The following GNPAT variants were observed in gnomAD, a reference collection of about 807,000 sequenced individuals.
GNPAT encodes the protein glyceronephosphate O-acyltransferase, also known as dihydroxyacetone phosphate acyltransferase.
A neutral mutation model predicts 78.4 loss-of-function variants in GNPAT; 30 were observed. That is an observed-to-expected ratio of 0.38 (90% CI 0.29 to 0.52). The LOEUF (loss-of-function observed/expected upper bound fraction) is 0.52, where lower values mean the gene tolerates loss of function less well. Among genes scored for constraint, GNPAT ranks in the 20% least tolerant of loss-of-function variants. The probability of loss-of-function intolerance (pLI) is 0.84; values close to 1 mark genes in which losing one functional copy is unlikely to be tolerated. For missense variants in GNPAT, 714 were observed against 812.2 expected (o/e 0.88, Z 1.47); for synonymous variants, 271 against 281.1 (o/e 0.96, Z 0.36).
Position 231,241,359 on chromosome 1 carries a change from C to T in GNPAT, c.-20C>T, listed in dbSNP as rs1272838384. 6.2e-7 allele frequency: 1 copy of T among 1,601,834 alleles called. No individual in the cohort carries two copies. The highest frequency in any genetic ancestry group is 8.6e-7 in the Non-Finnish European group (1 of 1,168,738). ...GCTTAGCAAAGAATCCCAGACCCCG[C>T]CCGGGAAGGCAGCCGCACCATGGAG... On this transcript the variant is annotated 5_prime_UTR_variant, in exon 1 of 16. Transcript: ENST00000366647.
Position 231,241,272 on chromosome 1 carries a change from G to A in GNPAT, c.-107G>A, listed in dbSNP as rs1478000157. 7 of 1,418,052 alleles carry A rather than the reference G, an allele frequency of 4.9e-6. No homozygotes were observed. Among genetic ancestry groups the A allele is most frequent in the African/African-American group, 4.2e-5 (3 of 70,790 alleles). The allele number at this position is 1,418,052 out of a possible 1,614,324, so 87.8% of individuals were successfully genotyped here. On this transcript the variant is annotated 5_prime_UTR_variant, in exon 1 of 16. Transcript: ENST00000366647. The stretch of plus-strand genomic sequence containing the variant: ...TGTAGCGGCTGCAGAGGGTGCCGCC[G>A]CCCTAGGCGAAGTAGGGCCGTCCTG...
chr1:231,252,546 T>TC (rs769009642), intron 2 of GNPAT, among the ~76,000 whole-genome samples: 108 of 152,268 alleles, frequency 7.1e-4, no homozygotes, highest in Non-Finnish European at 1.1e-3. Context: ...TGGGGCTTGG[T>TC]CCCGCCCAGA....
chr1:231,270,643 C>T, intron 9 of GNPAT, 115 bp from the exon 10 acceptor site: 1 of 1,007,104 alleles, frequency 9.9e-7, no homozygotes, highest in Non-Finnish European at 1.6e-6. Context: ...GACAGTAAAA[C>T]CTGTCACTTG....
chr1:231,270,439 A>G (rs1685529613), intron 9 of GNPAT, among the ~76,000 whole-genome samples: 1 of 152,180 alleles, frequency 6.6e-6, no homozygotes, highest in African/African-American at 2.4e-5. Flanking sequence ...AAAACTTTAG[A>G]TTCCCTTGGT....
At chr1:231,274,162 C>T in intron 12 of GNPAT, 100 bp downstream of exon 12, 3 of 1,038,364 alleles carry the variant, frequency 2.9e-6, no homozygotes, top group Non-Finnish European at 4.5e-6. Context: ...CAGGTATCTT[C>T]CCCAGGCAAA....
chr1:231,263,585 A>G (rs567064845), intron 4 of GNPAT, among the ~76,000 whole-genome samples: 1 of 152,126 alleles, frequency 6.6e-6, no homozygotes, highest in East Asian at 1.9e-4. Context: ...CCTGCTTTCC[A>G]TTTTTTTATA....
rs1311262115 is a variant in GNPAT at position 231,258,608 on chromosome 1, T to A, written c.262-1899T>A. Among the ~76,000 whole-genome samples, 3 of 150,986 alleles carry A rather than the reference T, an allele frequency of 2.0e-5. No individual in the cohort carries two copies. In the East Asian group the frequency reaches 5.8e-4, roughly 29 times the overall value. ...TTAAAATGGCATATTTTATGTTATG[T>A]GTATTTTAATGCAATTTTTTTTTTT... is the stretch of plus-strand genomic sequence containing the variant. On this transcript the variant is annotated intron_variant, in intron 2 of 15. Transcript: ENST00000366647.
chr1:231,241,484 A>G, intron 1 of GNPAT, 28 bp downstream of exon 1: 2 of 1,530,532 alleles, frequency 1.3e-6, no homozygotes, highest in Non-Finnish European at 1.8e-6. Flanking sequence ...AGAGGCCCAG[A>G]GCGGAGCCGC....
chr1:231,271,488 A>T (rs1349835829), intron 10 of GNPAT, among the ~76,000 whole-genome samples: 1 of 152,216 alleles, frequency 6.6e-6, no homozygotes, highest in African/African-American at 2.4e-5. Flanking sequence ...GGGTTCTGTC[A>T]AGGCCCTATG....
chr1:231,276,770 G>C (rs956101014), intron 15 of GNPAT, among the ~76,000 whole-genome samples: 2 of 152,230 alleles, frequency 1.3e-5, no homozygotes, highest in East Asian at 1.9e-4. Flanking sequence ...GGTACAATCA[G>C]AGGGGGTCAA....
intron 1 of GNPAT, among the ~76,000 whole-genome samples, chr1:231,246,678 G>C (rs892267699): frequency 1.3e-5 from 2 of 152,164 alleles, no homozygotes; most frequent in African/African-American, 2.4e-5. Flanking sequence ...GCATGGTATA[G>C]GGAAGGCCAA....
intron 2 of GNPAT, among the ~76,000 whole-genome samples, chr1:231,256,911 A>G (rs1024471673): frequency 1.3e-5 from 2 of 152,208 alleles, no homozygotes; most frequent in Non-Finnish European, 2.9e-5. Context: ...AGCCAAGGAA[A>G]GATGTGATTA....
In GNPAT at chr1:231,265,366, TG is replaced by T; in HGVS notation, c.644del (p.Gly215AlafsTer13). 1 of 1,610,108 alleles carries T rather than the reference TG, an allele frequency of 6.2e-7. No homozygotes were observed. The highest frequency in any genetic ancestry group is 8.5e-7 in the Non-Finnish European group (1 of 1,176,366). Reference protein sequence around the residue: ...GAFFMRRTFGGNKLYWAVFSE... With the variant: ...GAFFMRRTFGXNKLYWAVFSE... ...CCTTTTTCATGCGGCGTACCTTTGGTGGCAATAAACTCTACTGGGCTGTATT... is the reference window on the plus strand; with the variant it reads ...CCTTTTTCATGCGGCGTACCTTTGGTGCAATAAACTCTACTGGGCTGTATT... On this transcript the variant is annotated frameshift_variant, in exon 5 of 16. Coordinates refer to ENST00000366647, the MANE Select transcript of GNPAT (RefSeq NM_014236.4). LOFTEE classifies it high-confidence loss of function.
chr1:231,248,829 A>G (rs1229448594), intron 1 of GNPAT, among the ~76,000 whole-genome samples: 6 of 152,340 alleles, frequency 3.9e-5, no homozygotes, highest in African/African-American at 1.4e-4. Context: ...CATTCAGTAC[A>G]GTAACATGCT....
chr1:231,276,241 G>T, intron 15 of GNPAT, 45 bp downstream of exon 15: 2 of 928,916 alleles, frequency 2.2e-6, no homozygotes, highest in Non-Finnish European at 1.8e-6. Context: ...TTTTGTTGAT[G>T]AATTAAAATA....
Position 231,241,326 on chromosome 1 carries a change from C to T in GNPAT, c.-53C>T. 2.0e-6 allele frequency: 3 copies of T among 1,501,078 alleles called. No homozygotes were observed. The highest frequency in any genetic ancestry group is 2.8e-6 in the Non-Finnish European group (3 of 1,076,952). The allele number at this position is 1,501,078 out of a possible 1,614,324, so 93.0% of individuals were successfully genotyped here. On this transcript the variant is annotated 5_prime_UTR_variant, in exon 1 of 16. Coordinates refer to ENST00000366647, the MANE Select transcript of GNPAT (RefSeq NM_014236.4). ...GAAAGAACCGCCCCCAGCAGGAGCA[C>T]CACCACGGCTTAGCAAAGAATCCCA...
At chr1:231,248,748 T>C (rs1684816479) in intron 1 of GNPAT, among the ~76,000 whole-genome samples, 1 of 152,208 alleles carries the variant, frequency 6.6e-6, no homozygotes, top group Non-Finnish European at 1.5e-5. Context: ...GATTATAATA[T>C]CGTATTTTTG....
intron 4 of GNPAT, among the ~76,000 whole-genome samples, chr1:231,264,256 G>T (rs1188178160): frequency 1.3e-5 from 2 of 152,040 alleles, no homozygotes; most frequent in African/African-American, 4.8e-5. Context: ...TTGGTTTTTT[G>T]AGTTAATTTT....
chr1:231,267,327 T>G (rs1313306465), intron 8 of GNPAT, among the ~76,000 whole-genome samples: 1 of 152,226 alleles, frequency 6.6e-6, no homozygotes, highest in Non-Finnish European at 1.5e-5. Flanking sequence ...TGGAGATATG[T>G]TCAGCGTGCT....
Sources: gnomAD v4.1 joint callset for allele counts (sites outside exome capture counted in the v4.1 genomes callset) on GRCh38, gnomAD v4.1.1 for gene constraint, MANE v1.5 for transcripts, NCBI Gene and HGNC (gene_info 2026-07-23, HGNC 2026-07-21) for gene names.